The following CHST9 variants were observed in gnomAD, a reference collection of about 807,000 sequenced individuals.
CHST9 encodes carbohydrate sulfotransferase 9, also known as GalNAc-4-sulfotransferase 2.
Under a neutral mutation model 44.4 loss-of-function variants are expected in CHST9, and 41 were observed. The observed-to-expected ratio is 0.92, with a 90% CI of 0.72 to 1.20. The LOEUF is 1.20. Among genes scored for constraint, CHST9 ranks in the 50% most tolerant of loss-of-function variants. The probability of loss-of-function intolerance (pLI) is 0.00; values close to 1 mark genes in which losing one functional copy is unlikely to be tolerated. For missense variants in CHST9, 504 were observed against 516.5 expected (o/e 0.98, Z 0.23); for synonymous variants, 171 against 178.4 (o/e 0.96, Z 0.33).
chr18:27,016,034 T>C (rs2057149994), intron 4 of CHST9, among the ~76,000 whole-genome samples: 2 of 152,202 alleles, frequency 1.3e-5, no homozygotes, highest in Admixed American at 6.5e-5. Flanking sequence ...TCTACAGACC[T>C]CCTGTCTTGA....
At chr18:27,055,937 CGTGTGTGT>C (rs35128328) in intron 2 of CHST9, among the ~76,000 whole-genome samples, 2 of 147,446 alleles carry the variant, frequency 1.4e-5, no homozygotes, top group South Asian at 2.2e-4. Context: ...TTCTCTCTTT[CGTGTGTGT>C]GTGTGTGTGT....
chr18:26,986,493 G>A (rs1296992898), intron 4 of CHST9, among the ~76,000 whole-genome samples: 1 of 152,086 alleles, frequency 6.6e-6, no homozygotes, highest in African/African-American at 2.4e-5. Flanking sequence ...CCTGAAAAGA[G>A]GAGAGGAAGA....
chr18:27,037,763 T>A (rs769953584), intron 3 of CHST9, among the ~76,000 whole-genome samples: 1 of 151,910 alleles, frequency 6.6e-6, no homozygotes, highest in South Asian at 2.1e-4. Context: ...GTTTGCTTAT[T>A]TTTGCCACTA....
At chr18:27,093,441 C>A (rs2058087874) in intron 2 of CHST9, among the ~76,000 whole-genome samples, 1 of 152,232 alleles carries the variant, frequency 6.6e-6, no homozygotes, top group Admixed American at 6.5e-5. Flanking sequence ...CCTACTCAAG[C>A]CTCAGCAATG....
chr18:27,132,299 C>T (rs1056317095), intron 2 of CHST9, among the ~76,000 whole-genome samples: 1 of 152,208 alleles, frequency 6.6e-6, no homozygotes, highest in Non-Finnish European at 1.5e-5. Context: ...TGATGATCCA[C>T]TGTTTTATTC....
chr18:27,108,722 T>C (rs909733528), intron 2 of CHST9, among the ~76,000 whole-genome samples: 3 of 152,182 alleles, frequency 2.0e-5, no homozygotes, highest in Admixed American at 2.0e-4. Context: ...AAATGATCAC[T>C]TCTTATCCTA....
chr18:27,151,960 T>C lies in CHST9; in HGVS notation c.-96-9055A>G, dbSNP rs190239011. Among the ~76,000 whole-genome samples, 609 of 152,328 alleles carry C rather than the reference T, an allele frequency of 4.0e-3. 5 individuals carry two copies. The highest frequency in any genetic ancestry group is 8.0e-3 in the Admixed American group (123 of 15,298). On this transcript the variant is annotated intron_variant, in intron 1 of 5. Coordinates refer to ENST00000618847, the MANE Select transcript of CHST9 (RefSeq NM_031422.6). ...ACAATGCCATTTGCAAAGTATCATT[T>C]TGAAGGAAGACAGTAGTAAAGTTGC...
At chr18:27,041,728 C>G (rs531824037) in intron 3 of CHST9, among the ~76,000 whole-genome samples, 1 of 152,044 alleles carries the variant, frequency 6.6e-6, no homozygotes, top group Non-Finnish European at 1.5e-5. Flanking sequence ...CAGTGTTACA[C>G]GATAAAATTT....
intron 2 of CHST9, among the ~76,000 whole-genome samples, chr18:27,119,826 G>A (rs2058359671): frequency 1.3e-5 from 2 of 152,056 alleles, no homozygotes; most frequent in Non-Finnish European, 2.9e-5. Context: ...ACTCAACAGA[G>A]AATGAACCAA....
intron 2 of CHST9, among the ~76,000 whole-genome samples, chr18:27,061,031 T>A (rs2057715482): frequency 6.6e-6 from 1 of 152,054 alleles, no homozygotes; most frequent in Non-Finnish European, 1.5e-5. Flanking sequence ...GTGCATGTTG[T>A]CACATCTGGG....
chr18:26,909,938 G>T lies in CHST9; in HGVS notation c.*6321C>A, dbSNP rs34688904. On this transcript the variant is annotated 3_prime_UTR_variant, in exon 6 of 6. Coordinates refer to ENST00000618847, the MANE Select transcript of CHST9 (RefSeq NM_031422.6). ...TTATAAATCAGAAAGAAGAATCTTC[G>T]GAGAAGGCTGGGAAGCAGGTGATTT... is the stretch of plus-strand genomic sequence containing the variant. 6.6e-6 allele frequency: 1 copy of T among 152,128 alleles called. No individual in the cohort carries two copies. Among genetic ancestry groups the T allele is most frequent in the African/African-American group, 2.4e-5 (1 of 41,394 alleles). The allele number at this position is 152,128 out of a possible 1,614,324, so 9.4% of individuals were successfully genotyped here.
chr18:27,169,685 C>T (rs2058819380), intron 1 of CHST9, among the ~76,000 whole-genome samples: 1 of 143,188 alleles, frequency 7.0e-6, no homozygotes, highest in Non-Finnish European at 1.5e-5. Flanking sequence ...TGGCTCACTG[C>T]AAGCTCCGCC....
chr18:26,982,867 T>C (rs1265417607), intron 4 of CHST9, among the ~76,000 whole-genome samples: 1 of 152,222 alleles, frequency 6.6e-6, no homozygotes, highest in African/African-American at 2.4e-5. Context: ...CAAAAAATTA[T>C]ATGCCACACT....
chr18:26,998,168 T>A (rs2056907058), intron 4 of CHST9, among the ~76,000 whole-genome samples: 1 of 152,172 alleles, frequency 6.6e-6, no homozygotes, highest in Non-Finnish European at 1.5e-5. Context: ...CCCCACAGTC[T>A]GACTTAGCTC....
chr18:27,011,597 C>T (rs1786635), intron 4 of CHST9, among the ~76,000 whole-genome samples: 52,296 of 152,140 alleles, frequency 0.34, 9,721 homozygotes, highest in East Asian at 0.47. Context: ...CTACCCAGAA[C>T]GGGTGGAAAT....
At chr18:26,968,353 T>A (rs1459477007) in intron 4 of CHST9, among the ~76,000 whole-genome samples, 1 of 152,202 alleles carries the variant, frequency 6.6e-6, no homozygotes, top group African/African-American at 2.4e-5. Flanking sequence ...GGCTTTAGCA[T>A]TGTCAGACTT....
chr18:26,967,157 A>T (rs1027307244), intron 4 of CHST9, among the ~76,000 whole-genome samples: 1 of 152,196 alleles, frequency 6.6e-6, no homozygotes, highest in East Asian at 1.9e-4. Context: ...GGCAAAAATC[A>T]AAAGGGTCAC....
intron 1 of CHST9, among the ~76,000 whole-genome samples, chr18:27,161,672 T>A (rs901799977): frequency 2.6e-5 from 4 of 151,994 alleles, no homozygotes; most frequent in African/African-American, 7.3e-5. Context: ...TCCTTAACTT[T>A]CTGTCTCGTT....
chr18:26,956,356 TATATC>T lies in CHST9; in HGVS notation c.203-11995_203-11991del, dbSNP rs1303626291. Reference sequence around the variant, plus strand: ...ATATATATATATATACACACACAATTATATCATATATACAAATATACATATATCAT... The same window carrying T: ...ATATATATATATATACACACACAATTATATATACAAATATACATATATCAT... On this transcript the variant is annotated intron_variant, in intron 4 of 5. Transcript: ENST00000618847. 9.9e-5 allele frequency among the ~76,000 whole-genome samples: 14 copies of T among 141,652 alleles called. No individual in the cohort carries two copies. The East Asian group carries it at 1.6e-3, about 16-fold the overall frequency. The allele number at this position is 141,652 out of a possible 152,430, so 92.9% of individuals were successfully genotyped here. A position where few individuals can be genotyped will look rare whatever the true frequency, so the allele number is the denominator to read the frequency against.
Sources: allele counts gnomAD v4.1 joint callset (sites outside exome capture counted in the v4.1 genomes callset), GRCh38; gene constraint gnomAD v4.1.1; transcripts MANE v1.5; gene names NCBI Gene and HGNC (gene_info 2026-07-23, HGNC 2026-07-21).